The following CCDC7 variants were observed in gnomAD, a reference collection of about 807,000 sequenced individuals.
The protein encoded by CCDC7 is coiled-coil domain-containing protein 7.
A neutral mutation model predicts 196.9 loss-of-function variants in CCDC7; 183 were observed. That is an observed-to-expected ratio of 0.93 (90% CI 0.82 to 1.05). CCDC7 has a LOEUF of 1.05. CCDC7 is among the 50% of genes least tolerant of loss of function. CCDC7 has a pLI of 0.00. For synonymous variants in CCDC7, 525 were observed against 484.6 expected, an observed-to-expected ratio of 1.08 and a Z score of -1.10; for missense variants, 1,540 against 1,482.2, an observed-to-expected ratio of 1.04 and a Z score of -0.64.
At chr10:32,579,692 C>A (rs2058562880) in intron 16 of CCDC7, among the ~76,000 whole-genome samples, 1 of 151,970 alleles carries the variant, frequency 6.6e-6, no homozygotes, top group African/African-American at 2.4e-5. Context: ...AAAGAAACAT[C>A]CTACTTAATC....
At chr10:32,847,656 A>G (rs1201356072) in intron 37 of CCDC7, among the ~76,000 whole-genome samples, 177 bp from the exon 39 acceptor site, 1 of 111,812 alleles carries the variant, frequency 8.9e-6, no homozygotes, top group Non-Finnish European at 1.8e-5. Flanking sequence ...TTGAAACTGC[A>G]GTCAGCCATG....
chr10:32,856,256 A>G (rs2093749279), intron 41 of CCDC7, among the ~76,000 whole-genome samples: 1 of 152,236 alleles, frequency 6.6e-6, no homozygotes, highest in Non-Finnish European at 1.5e-5. Context: ...TCAATGGAAA[A>G]TATCAAGAGT....
At chr10:32,761,663 A>G (rs1425728432) in intron 28 of CCDC7, among the ~76,000 whole-genome samples, 1 of 152,016 alleles carries the variant, frequency 6.6e-6, no homozygotes, top group Non-Finnish European at 1.5e-5. Context: ...GCTGAAAACC[A>G]TATCCAGAGT....
At chr10:32,797,021 C>T (rs937100955) in intron 29 of CCDC7, among the ~76,000 whole-genome samples, 3 of 151,854 alleles carry the variant, frequency 2.0e-5, no homozygotes, top group Non-Finnish European at 4.4e-5. Context: ...ACAAGGTGAC[C>T]TCAGAATTGT....
intron 28 of CCDC7, among the ~76,000 whole-genome samples, chr10:32,749,184 T>C (rs1456913373): frequency 6.6e-6 from 1 of 152,208 alleles, no homozygotes; most frequent in Admixed American, 6.5e-5. Context: ...TTCTATGAAG[T>C]ATCTAAGAAG....
chr10:32,448,571 T>C (rs1367924413), upstream of CCDC7, among the ~76,000 whole-genome samples: 1 of 152,060 alleles, frequency 6.6e-6, no homozygotes, highest in East Asian at 1.9e-4. Context: ...TATATTTTAT[T>C]CTCTAAAATA....
At chr10:32,878,133 C>G (rs1216845858), downstream of CCDC7, among the ~76,000 whole-genome samples, 1 of 152,050 alleles carries the variant, frequency 6.6e-6, no homozygotes, top group African/African-American at 2.4e-5. Flanking sequence ...CACCTGTGCC[C>G]TACAGTATGG....
chr10:32,747,088 C>T (rs1170564526), intron 28 of CCDC7, among the ~76,000 whole-genome samples: 1 of 152,176 alleles, frequency 6.6e-6, no homozygotes, highest in Non-Finnish European at 1.5e-5. Flanking sequence ...GACTGGGAGA[C>T]CCTTGGCCCC....
chr10:32,665,313 T>C (rs2072421158), intron 21 of CCDC7, among the ~76,000 whole-genome samples: 1 of 151,990 alleles, frequency 6.6e-6, no homozygotes, highest in Admixed American at 6.6e-5. Context: ...CTTTTTAGTT[T>C]GGTTTAATAC....
intron 21 of CCDC7, among the ~76,000 whole-genome samples, chr10:32,677,134 A>G (rs950437891): frequency 6.9e-6 from 1 of 144,826 alleles, no homozygotes; most frequent in African/African-American, 2.5e-5. Flanking sequence ...CAAACACCGC[A>G]TGTTCTCACT....
chr10:32,457,766 A>C lies in CCDC7; in HGVS notation c.456+1432A>C, dbSNP rs182877949. 3.1e-4 allele frequency among the ~76,000 whole-genome samples: 47 copies of C among 152,036 alleles called. 1 individual carries two copies. In the East Asian group the frequency reaches 6.6e-3, roughly 21 times the overall value. ...ATATCTCATTGTGGTTTTGATTTAC[A>C]TTTCCCTGATGATTAGTGATGATGA... On this transcript the variant is annotated intron_variant, in intron 3 of 41. Transcript: ENST00000639629.
rs138165945 is a variant in CCDC7 at position 32,506,810 on chromosome 10, G to A, written c.873-11135G>A. ...GAGGTTGCAGCAAGCCGAGATCATG[G>A]CAGTACAGTCCAGGCTTGGCAAGAG... is the stretch of plus-strand genomic sequence containing the variant. On this transcript the variant is annotated intron_variant, in intron 9 of 41. Coordinates refer to ENST00000639629, the Ensembl canonical transcript of CCDC7. Among the ~76,000 whole-genome samples, 1,180 of 150,222 alleles carry A rather than the reference G, an allele frequency of 7.9e-3. 19 individuals are homozygous for A. The highest frequency in any genetic ancestry group is 0.026 in the African/African-American group (1,032 of 39,616).
intron 25 of CCDC7, among the ~76,000 whole-genome samples, chr10:32,725,804 C>G (rs558725392): frequency 6.7e-6 from 1 of 150,222 alleles, no homozygotes; most frequent in Admixed American, 6.9e-5. Context: ...CCAAGCCATT[C>G]ATGAAGGATC....
At chr10:32,521,579 G>T (rs1302734994) in intron 11 of CCDC7, among the ~76,000 whole-genome samples, 10 of 139,268 alleles carry the variant, frequency 7.2e-5, no homozygotes, top group African/African-American at 2.1e-4. Context: ...AGTTCTAAGA[G>T]TTTTTTTTTT....
chr10:32,520,478 A>G (rs1318166383), intron 11 of CCDC7, among the ~76,000 whole-genome samples: 1 of 152,104 alleles, frequency 6.6e-6, no homozygotes, highest in Non-Finnish European at 1.5e-5. Flanking sequence ...AGTGATGTTG[A>G]GGGCCTTTTT....
At chr10:32,702,161 C>G (rs1432182442) in intron 24 of CCDC7, among the ~76,000 whole-genome samples, 2 of 152,102 alleles carry the variant, frequency 1.3e-5, no homozygotes, top group Non-Finnish European at 2.9e-5. Context: ...GCATTTAGTG[C>G]TATAAATTTC....
intron 41 of CCDC7, among the ~76,000 whole-genome samples, chr10:32,865,712 C>T (rs113452323): frequency 7.6e-4 from 116 of 151,772 alleles, no homozygotes; most frequent in African/African-American, 2.7e-3. Flanking sequence ...TTCATTCCTC[C>T]ATGTAAATTC....
chr10:32,856,560 A>C (rs931543588), intron 41 of CCDC7, among the ~76,000 whole-genome samples: 4 of 151,456 alleles, frequency 2.6e-5, no homozygotes, highest in African/African-American at 9.7e-5. Flanking sequence ...ACTGCTGCAC[A>C]CCCCCCAGGG....
chr10:32,659,216 TTTG>T (rs2070689972), intron 20 of CCDC7, among the ~76,000 whole-genome samples: 1 of 152,222 alleles, frequency 6.6e-6, no homozygotes. Context: ...CATTTCATGT[TTTG>T]TTATGTTGTG....
Sources: gnomAD v4.1 joint callset for allele counts (sites outside exome capture counted in the v4.1 genomes callset) on GRCh38, gnomAD v4.1.1 for gene constraint, MANE v1.5 for transcripts, NCBI Gene and HGNC (gene_info 2026-07-23, HGNC 2026-07-21) for gene names.